The following KIAA1671 variants were observed in gnomAD, a reference collection of about 807,000 sequenced individuals.
KIAA1671 encodes KIAA1671, also known as uncharacterized protein KIAA1671.
Under a neutral mutation model 131.2 loss-of-function variants are expected in KIAA1671, and 52 were observed. That is an observed-to-expected ratio of 0.40 (90% confidence interval 0.32 to 0.50). The LOEUF is 0.50. Ranked by LOEUF, KIAA1671 falls within the 20% of genes least tolerant of loss-of-function variation. The probability of loss-of-function intolerance (pLI) is 0.73; values close to 1 mark genes in which losing one functional copy is unlikely to be tolerated. For synonymous variants in KIAA1671, 1,003 were observed against 961.6 expected, an observed-to-expected ratio of 1.04 and a Z score of -0.80; for missense variants, 2,360 against 2,364.2, an observed-to-expected ratio of 1.00 and a Z score of 0.04.
intron 1 of KIAA1671, among the ~76,000 whole-genome samples, chr22:24,957,496 CCTT>C (rs1024884480): frequency 1.3e-5 from 2 of 152,088 alleles, no homozygotes; most frequent in Non-Finnish European, 2.9e-5. Flanking sequence ...AGTTCACTCT[CCTT>C]CTTCCACTCA....
chr22:25,111,990 C>T (rs1931383370), intron 6 of KIAA1671: 2 of 379,562 alleles, frequency 5.3e-6, no homozygotes, highest in Non-Finnish European at 9.3e-6. Context: ...ATGCAGCCGG[C>T]TCCTGGCTCA....
intron 1 of KIAA1671, among the ~76,000 whole-genome samples, chr22:24,985,873 A>G (rs1923501948): frequency 6.6e-6 from 1 of 151,878 alleles, no homozygotes; most frequent in African/African-American, 2.4e-5. Context: ...GCCCCTTCCC[A>G]TTGAGGATTT....
Position 25,028,948 on chromosome 22 carries a change from G to C in KIAA1671, c.949G>C (p.Glu317Gln). 1.3e-6 allele frequency: 2 copies of C among 1,550,270 alleles called. No homozygotes were observed. The highest frequency in any genetic ancestry group is 1.7e-6 in the Non-Finnish European group (2 of 1,146,358). Residue 317 changes from glutamate to glutamine, a missense_variant, in exon 3 of 13, where the codon GAG becomes CAG. By Grantham distance (29) the Glu-to-Gln change is conservative. Coordinates refer to ENST00000358431, the MANE Select transcript of KIAA1671 (RefSeq NM_001145206.2). ...CACAGCAGGGGATATGGCTGGGCTA[G>C]AGAGGCCCAGAGCAGCGTCCAAGCT... ...GPTAGDMAGL[E>Q]RPRAASKLDR... is the part of the protein sequence containing the mutation.
rs1181309663 is a variant in KIAA1671 at position 25,028,175 on chromosome 22, G to A, written c.176G>A (p.Arg59Gln). 3.9e-6 allele frequency: 6 copies of A among 1,549,868 alleles called. No individual in the cohort carries two copies. Among genetic ancestry groups the A allele is most frequent in the Admixed American group, 3.9e-5 (2 of 50,892 alleles). ...AAGAGCCCCCTGCGGAGCCCGGCCCGGTTACTCCCTCTGCCAAGGCTCGCC... is the reference window on the plus strand; with the variant it reads ...AAGAGCCCCCTGCGGAGCCCGGCCCAGTTACTCCCTCTGCCAAGGCTCGCC... ...EAKSPLRSPARLLPLPRLAPK... is the reference protein window; with the variant it reads ...EAKSPLRSPAQLLPLPRLAPK... The change falls in exon 3 of 13, where the codon CGG (arginine) becomes CAG (glutamine). Residue 59 changes from arginine (R) to glutamine (Q), a missense_variant. Physicochemically the swap from Arg to Gln is conservative, Grantham distance 43. Around this residue, in one of 3 missense-constraint regions of KIAA1671, gnomAD observed 1,185 missense variants for 1,126.2 expected, o/e 1.05. Coordinates refer to ENST00000358431, the MANE Select transcript of KIAA1671 (RefSeq NM_001145206.2).
chr22:25,117,910 G>A (rs1249095301), intron 6 of KIAA1671, among the ~76,000 whole-genome samples: 2 of 151,880 alleles, frequency 1.3e-5, no homozygotes, highest in Admixed American at 6.6e-5. Flanking sequence ...AGGCCGAGGC[G>A]GGCGGATCAC....
chr22:25,060,634 G>C (rs1201447603), intron 6 of KIAA1671: 1 of 152,168 alleles, frequency 6.6e-6, no homozygotes, highest in Admixed American at 6.5e-5. Flanking sequence ...GGAAACTGAG[G>C]GTTGGCAAAA....
chr22:25,168,739 A>G (rs1404299330), intron 6 of KIAA1671, among the ~76,000 whole-genome samples: 1 of 152,052 alleles, frequency 6.6e-6, no homozygotes, highest in Non-Finnish European at 1.5e-5. Context: ...ATGGGTTGCA[A>G]TAGCTTTGTT....
intron 9 of KIAA1671, chr22:25,179,667 A>T: frequency 1.6e-6 from 1 of 637,548 alleles, no homozygotes; most frequent in East Asian, 2.7e-5. Flanking sequence ...AAACTAGGTA[A>T]AACAGTGTTT....
chr22:24,960,274 G>C (rs1371768064), intron 1 of KIAA1671, among the ~76,000 whole-genome samples: 1 of 151,964 alleles, frequency 6.6e-6, no homozygotes, highest in African/African-American at 2.4e-5. Context: ...AATAAGGCCA[G>C]CTGTGGTGGC....
intron 1 of KIAA1671, among the ~76,000 whole-genome samples, chr22:24,954,841 C>T (rs927832960): frequency 2.0e-5 from 3 of 152,130 alleles, no homozygotes; most frequent in African/African-American, 7.2e-5. Context: ...AGTGCAATGG[C>T]GCGATCTCGG....
At chr22:25,140,381 CTT>C (rs937854977) in intron 6 of KIAA1671, among the ~76,000 whole-genome samples, 4 of 146,816 alleles carry the variant, frequency 2.7e-5, no homozygotes, top group Non-Finnish European at 3.0e-5. Context: ...TTTTTTTTTC[CTT>C]TTTTTTTTTT....
intron 6 of KIAA1671, among the ~76,000 whole-genome samples, chr22:25,103,354 G>A (rs1311312587): frequency 6.6e-6 from 1 of 152,018 alleles, no homozygotes; most frequent in Non-Finnish European, 1.5e-5. Flanking sequence ...GGGATTACAG[G>A]CACGCACCAC....
At chr22:24,974,039 C>T (rs976325390) in intron 1 of KIAA1671, among the ~76,000 whole-genome samples, 1 of 152,260 alleles carries the variant, frequency 6.6e-6, no homozygotes, top group East Asian at 1.9e-4. Context: ...GGGACTTTCA[C>T]CAGCTCTGGG....
Position 25,028,922 on chromosome 22 carries a change from C to T in KIAA1671, c.923C>T (p.Pro308Leu). The change falls in exon 3 of 13, where the codon CCC becomes CTC. Residue 308 changes from proline to leucine, a missense_variant. Pro to Leu is a moderately conservative substitution (Grantham distance 98). Transcript: ENST00000358431. The stretch of plus-strand genomic sequence containing the variant: ...AAGGTGGCCGATGAAGGAAGTGGAC[C>T]CACAGCAGGGGATATGGCTGGGCTA... ...LRKVADEGSGPTAGDMAGLER... is the reference protein window; with the variant it reads ...LRKVADEGSGLTAGDMAGLER... The T allele has an allele frequency of 6.4e-7, 1 of 1,551,600 alleles. No homozygotes were observed. Among genetic ancestry groups the T allele is most frequent in the East Asian group, 2.4e-5 (1 of 40,916 alleles).
At chr22:25,033,418 AAAG>A (rs1926396327) in intron 4 of KIAA1671, among the ~76,000 whole-genome samples, 1 of 151,996 alleles carries the variant, frequency 6.6e-6, no homozygotes, top group African/African-American at 2.4e-5. Flanking sequence ...ATTAAAACAA[AAAG>A]AAGTAGGTTA....
At chr22:25,123,973 T>C (rs566004541) in intron 6 of KIAA1671, among the ~76,000 whole-genome samples, 24 of 152,244 alleles carry the variant, frequency 1.6e-4, no homozygotes, top group South Asian at 1.0e-3. Context: ...GATGAGTAAA[T>C]TGAGGTGGGA....
intron 1 of KIAA1671, among the ~76,000 whole-genome samples, chr22:24,972,975 AG>A (rs1922704055): frequency 6.6e-6 from 1 of 152,140 alleles, no homozygotes; most frequent in South Asian, 2.1e-4. Flanking sequence ...GACCTGAAGG[AG>A]ACAAAGGGGC....
At chr22:24,987,568 G>C (rs1923619856) in intron 1 of KIAA1671, among the ~76,000 whole-genome samples, 1 of 152,126 alleles carries the variant, frequency 6.6e-6, no homozygotes, top group Middle Eastern at 3.2e-3. Flanking sequence ...CTGGGCTCAA[G>C]TGACCTTCTT....
At chr22:24,982,073 G>T (rs1272664545) in intron 1 of KIAA1671, among the ~76,000 whole-genome samples, 1 of 152,248 alleles carries the variant, frequency 6.6e-6, no homozygotes, top group East Asian at 1.9e-4. Context: ...AGTCCCCCAA[G>T]CTCTGTCATC....
Sources: allele counts gnomAD v4.1 joint callset (sites outside exome capture counted in the v4.1 genomes callset), GRCh38; gene constraint gnomAD v4.1.1; regional missense constraint gnomAD v4.1.1; transcripts MANE v1.5; gene names NCBI Gene and HGNC (gene_info 2026-07-23, HGNC 2026-07-21).